RALYL: variants seen among roughly 807,000 people sequenced by gnomAD.
RALYL encodes RALY RNA binding protein like.
Under a neutral mutation model 35.1 loss-of-function variants are expected in RALYL, and 29 were observed. The ratio of observed to expected loss-of-function variants is 0.83; its 90% CI spans 0.61 to 1.13. The LOEUF (loss-of-function observed/expected upper bound fraction) is 1.13, where lower values mean the gene tolerates loss of function less well. Ranked by LOEUF, RALYL falls within the 50% of genes most tolerant of loss-of-function variation. The pLI is 0.00. For synonymous variants in RALYL, 120 were observed against 127.6 expected (o/e 0.94, Z 0.40); for missense variants, 359 against 360.4 (o/e 1.00, Z 0.03).
At chr8:84,689,545 C>T (rs1293118615) in intron 2 of RALYL, among the ~76,000 whole-genome samples, 1 of 152,048 alleles carries the variant, frequency 6.6e-6, no homozygotes, top group Non-Finnish European at 1.5e-5. Context: ...CATACGTGTG[C>T]ATGTGTCTTT....
At chr8:84,828,699 C>A in intron 4 of RALYL, 1 of 184,342 alleles carries the variant, frequency 5.4e-6, no homozygotes, top group Non-Finnish European at 1.2e-5. Flanking sequence ...TCTTGCTTAG[C>A]AAACTACAAG....
chr8:84,427,398 A>G (rs1310923524), intron 1 of RALYL, among the ~76,000 whole-genome samples: 1 of 152,254 alleles, frequency 6.6e-6, no homozygotes, highest in Non-Finnish European at 1.5e-5. Context: ...TTTCTGGACT[A>G]CATCCTACGG....
At chr8:84,406,017 A>G (rs1438271803) in intron 1 of RALYL, among the ~76,000 whole-genome samples, 1 of 151,040 alleles carries the variant, frequency 6.6e-6, no homozygotes, top group African/African-American at 2.4e-5. Context: ...ACTTTTGTTA[A>G]ATATGAAAAA....
intron 2 of RALYL, among the ~76,000 whole-genome samples, chr8:84,709,585 C>T (rs769913491): frequency 4.0e-5 from 6 of 151,400 alleles, no homozygotes; most frequent in Admixed American, 6.6e-5. Flanking sequence ...GTACATGCAG[C>T]CCTCATTATG....
At chr8:84,373,187 TTGTC>T (rs1856255836) in intron 1 of RALYL, among the ~76,000 whole-genome samples, 1 of 151,708 alleles carries the variant, frequency 6.6e-6, no homozygotes, top group African/African-American at 2.4e-5. Context: ...ATTCTGTAGG[TTGTC>T]TGTTTACTCT....
At chr8:84,509,532 C>A (rs773261899) in intron 1 of RALYL, among the ~76,000 whole-genome samples, 55 of 152,184 alleles carry the variant, frequency 3.6e-4, no homozygotes, top group Non-Finnish European at 5.7e-4. Flanking sequence ...TAAAACTCAG[C>A]TTATCAGTTA....
chr8:84,196,138 A>G (rs1461121900), intron 1 of RALYL, among the ~76,000 whole-genome samples: 1 of 152,230 alleles, frequency 6.6e-6, no homozygotes, highest in Non-Finnish European at 1.5e-5. Context: ...TAGTGAACCA[A>G]TAGTATGAAA....
chr8:84,559,854 CAG>C (rs1310873051), intron 2 of RALYL, among the ~76,000 whole-genome samples: 3 of 151,646 alleles, frequency 2.0e-5, no homozygotes, highest in Non-Finnish European at 2.9e-5. Flanking sequence ...GAGTAAGAAA[CAG>C]GGGGGAAAGG....
intron 1 of RALYL, among the ~76,000 whole-genome samples, chr8:84,460,896 C>T (rs2050693877): frequency 6.6e-6 from 1 of 151,024 alleles, no homozygotes; most frequent in Non-Finnish European, 1.5e-5. Context: ...GAGCTTAGGG[C>T]AGGGAAGAAA....
intron 2 of RALYL, among the ~76,000 whole-genome samples, chr8:84,620,569 C>T: frequency 6.6e-6 from 1 of 152,170 alleles, no homozygotes. Context: ...GTAATTTGAT[C>T]ATCTGAAGCC....
intron 1 of RALYL, among the ~76,000 whole-genome samples, chr8:84,307,475 G>A (rs539740361): frequency 1.3e-5 from 2 of 151,958 alleles, no homozygotes; most frequent in African/African-American, 4.8e-5. Context: ...ACTCTTTATA[G>A]CCAAATGAAG....
chr8:84,596,686 G>T (rs147335157), intron 2 of RALYL, among the ~76,000 whole-genome samples: 347 of 152,174 alleles, frequency 2.3e-3, no homozygotes, highest in African/African-American at 5.1e-3. Context: ...GTCTTCAAGC[G>T]CCTGTTAGAC....
At chr8:84,448,716 C>T (rs941748034) in intron 1 of RALYL, among the ~76,000 whole-genome samples, 1 of 151,966 alleles carries the variant, frequency 6.6e-6, no homozygotes, top group Non-Finnish European at 1.5e-5. Context: ...TTTTTTGACT[C>T]ATAGAGATTC....
chr8:84,529,381 C>G lies in RALYL; in HGVS notation c.60C>G (p.Asn20Lys). 1 of 1,608,680 alleles carries G rather than the reference C, an allele frequency of 6.2e-7. No individual in the cohort carries two copies. Among genetic ancestry groups the G allele is most frequent in the Non-Finnish European group, 8.5e-7 (1 of 1,177,150 alleles). The change falls in exon 2 of 9, where the codon AAC (asparagine) becomes AAG (lysine). Residue 20 changes from asparagine (N) to lysine (K), a missense_variant. By Grantham distance (94) the Asn-to-Lys change is moderately conservative (BLOSUM62 0). Transcript: ENST00000521268. Reference protein sequence around the residue: ...VTNKNDPKSINSRVFIGNLNT... With the variant: ...VTNKNDPKSIKSRVFIGNLNT... ...ATAAGAATGACCCCAAGTCCATCAA[C>G]TCCCGTGTTTTCATCGGCAATCTAA...
chr8:84,681,357 A>G (rs887300139), intron 2 of RALYL, among the ~76,000 whole-genome samples: 1 of 152,110 alleles, frequency 6.6e-6, no homozygotes, highest in Non-Finnish European at 1.5e-5. Context: ...CCATATGAAC[A>G]TTAAAGTAGT....
intron 1 of RALYL, among the ~76,000 whole-genome samples, chr8:84,494,488 T>C (rs1178656581): frequency 6.6e-6 from 1 of 152,168 alleles, no homozygotes. Flanking sequence ...GTAAATTACT[T>C]TGGGCAGTAT....
chr8:84,324,651 G>A (rs921998561), intron 1 of RALYL, among the ~76,000 whole-genome samples: 3 of 151,218 alleles, frequency 2.0e-5, no homozygotes, highest in South Asian at 2.1e-4. Flanking sequence ...TTCTGGTTGC[G>A]GAGTGATGCT....
At chr8:84,518,932 T>C (rs1456104716) in intron 1 of RALYL, among the ~76,000 whole-genome samples, 4 of 152,218 alleles carry the variant, frequency 2.6e-5, no homozygotes, top group Non-Finnish European at 5.9e-5. Context: ...GTTTACCTCC[T>C]GCAATTTAGC....
At chr8:84,343,477 A>G (rs1316368233) in intron 1 of RALYL, among the ~76,000 whole-genome samples, 2 of 152,154 alleles carry the variant, frequency 1.3e-5, no homozygotes, top group Non-Finnish European at 2.9e-5. Context: ...AAGCCGTCTT[A>G]TATTTTACAG....
Sources: allele counts gnomAD v4.1 joint callset (sites outside exome capture counted in the v4.1 genomes callset), GRCh38; gene constraint gnomAD v4.1.1; transcripts MANE v1.5; gene names NCBI Gene and HGNC (gene_info 2026-07-23, HGNC 2026-07-21).